Variants in NLRP14 observed in about 807,000 individuals in gnomAD.
NLRP14 encodes the protein NACHT, LRR and PYD domains-containing protein 14.
NLRP14 carries 105 observed loss-of-function variants against 94.7 expected under a neutral mutation model. The observed-to-expected ratio is 1.11, with a 90% CI of 0.95 to 1.30. The LOEUF is 1.30. NLRP14 is among the 50% of genes most tolerant of loss of function. The pLI, the probability that NLRP14 is intolerant of heterozygous loss-of-function variation, is 0.00. For missense variants in NLRP14, 1,362 were observed against 1,254.1 expected (o/e 1.09, Z -1.30); for synonymous variants, 508 against 459.9 (o/e 1.10, Z -1.34).
At chr11:7,073,778 G>A (rs6578822), downstream of NLRP14, among the ~76,000 whole-genome samples, 98,989 of 152,108 alleles carry the variant, frequency 0.65, 32,859 homozygotes, top group East Asian at 0.91. Flanking sequence ...GGTGAGGTTC[G>A]GAAGGTTCTA....
At chr11:7,089,751 G>A in the NLRP14 span, 1 of 1,562,378 alleles carries the variant, frequency 6.4e-7, no homozygotes, top group Non-Finnish European at 8.6e-7. Flanking sequence ...GGGCCCGCGG[G>A]ATGAGGGCTA....
chr11:7,055,659 G>A (rs756345293), intron 6 of NLRP14, among the ~76,000 whole-genome samples: 41 of 151,990 alleles, frequency 2.7e-4, no homozygotes, highest in Non-Finnish European at 5.0e-4. Flanking sequence ...AAGCTCCAGC[G>A]TCTTGCATCC....
chr11:7,026,309 G>GA (rs35799884), intron 1 of NLRP14, among the ~76,000 whole-genome samples: 1 of 151,994 alleles, frequency 6.6e-6, no homozygotes, highest in African/African-American at 2.4e-5. Flanking sequence ...AAATTTACAA[G>GA]AAAAAAACAA....
At chr11:7,050,998 G>T (rs1006399033) in intron 6 of NLRP14, among the ~76,000 whole-genome samples, 2 of 152,192 alleles carry the variant, frequency 1.3e-5, no homozygotes, top group African/African-American at 2.4e-5. Context: ...GGGAGCTGTG[G>T]ATCCAAGACA....
chr11:7,037,978 C>A (rs2119595946), intron 1 of NLRP14, among the ~76,000 whole-genome samples: 1 of 152,220 alleles, frequency 6.6e-6, no homozygotes, highest in South Asian at 2.1e-4. Flanking sequence ...AAAAGACCCT[C>A]AGTAATTATA....
At chr11:7,060,284 CCAGAGGCAT>C (rs1214181628) in intron 9 of NLRP14, among the ~76,000 whole-genome samples, 1 of 151,984 alleles carries the variant, frequency 6.6e-6, no homozygotes, top group East Asian at 1.9e-4. Flanking sequence ...GTAATGAGGA[CCAGAGGCAT>C]CAGGCTGAAC....
intron 10 of NLRP14, among the ~76,000 whole-genome samples, chr11:7,066,304 A>G (rs541713581): frequency 1.2e-4 from 18 of 152,338 alleles, no homozygotes; most frequent in African/African-American, 4.3e-4. Context: ...ACAATGGTTG[A>G]ACAAATTTAC....
Position 7,070,290 on chromosome 11 carries a change from G to T in NLRP14, c.2980G>T (p.Glu994Ter). The change falls in exon 11 of 12, where the codon GAA (glutamate) becomes TAA (stop). Residue 994 changes from glutamate (E) to a stop codon, truncating the protein, a stop_gained. Coordinates refer to ENST00000299481, the MANE Select transcript of NLRP14 (RefSeq NM_176822.4). LOFTEE classifies it high-confidence loss of function. ...PNCNIQRLGL[E>*]YCGLTSLCCQ... ...TTTTGTCTCTCTTCTCTACAGGTTG[G>T]AATACTGTGGTTTGACATCTCTCTG... The T allele has an allele frequency of 3.1e-6, 5 of 1,607,730 alleles. No homozygotes were observed. Among genetic ancestry groups the T allele is most frequent in the Non-Finnish European group, 4.3e-6 (5 of 1,174,768 alleles).
rs143105294 is a variant in NLRP14, at chr11:7,060,982, G to A, written c.2804+918G>A. ...GGCCAGCATGAATCAAAACAGAGGCGTCACTTAGCAACCTCAGCTCACTTT... is the reference window on the plus strand; with the variant it reads ...GGCCAGCATGAATCAAAACAGAGGCATCACTTAGCAACCTCAGCTCACTTT... On this transcript the variant is annotated intron_variant, in intron 9 of 11. Coordinates refer to ENST00000299481, the MANE Select transcript of NLRP14 (RefSeq NM_176822.4). Among the ~76,000 whole-genome samples, 878 of 152,102 alleles carry A rather than the reference G, an allele frequency of 5.8e-3. 5 individuals carry two copies. The highest frequency in any genetic ancestry group is 0.01 in the Non-Finnish European group (698 of 67,938).
At chr11:7,087,503 A>G in the NLRP14 span, among the ~76,000 whole-genome samples, 1 of 152,174 alleles carries the variant, frequency 6.6e-6, no homozygotes, top group African/African-American at 2.4e-5. Flanking sequence ...TTTGATTAGT[A>G]AGTGGCACAA....
Position 7,043,859 on chromosome 11 carries a change from G to C in NLRP14, c.1833G>C (p.Glu611Asp). ...CFPKVAINIC[E>D]KIHLLVSSFC... ...CAAAGGTTGCCATTAATATTTGTGA[G>C]AAAATACATTTGCTTGTATCTTCTT... Residue 611 changes from glutamate to aspartate, a missense_variant, in exon 4 of 12, where the codon GAG (glutamate) becomes GAC (aspartate). Transcript: ENST00000299481. The C allele has an allele frequency of 6.2e-7, 1 of 1,614,220 alleles. No homozygotes were observed. Among genetic ancestry groups the C allele is most frequent in the Non-Finnish European group, 8.5e-7 (1 of 1,180,030 alleles).
chr11:7,062,514 A>G lies in NLRP14; in HGVS notation c.2975+11A>G. On this transcript the variant is annotated intron_variant, in intron 10 of 11. Transcript: ENST00000299481. ...CATTCAGAGGCTCGGGTGAGTTCAT[A>G]GTTTTCCATTAGGAAAATGATGCCT... The G allele has an allele frequency of 6.2e-7, 1 of 1,611,048 alleles. No homozygotes were observed. The highest frequency in any genetic ancestry group is 1.1e-5 in the South Asian group (1 of 91,008).
chr11:7,032,368 G>T (rs915046152), intron 1 of NLRP14, among the ~76,000 whole-genome samples: 4 of 151,944 alleles, frequency 2.6e-5, no homozygotes, highest in African/African-American at 9.7e-5. Context: ...CATTATAATT[G>T]AATCCTTATT....
intron 3 of NLRP14, among the ~76,000 whole-genome samples, chr11:7,041,648 C>G (rs923971525): frequency 6.6e-6 from 1 of 152,154 alleles, no homozygotes; most frequent in Non-Finnish European, 1.5e-5. Flanking sequence ...GATGAAGCCC[C>G]TAGCCAAGTG....
At chr11:7,028,027 G>A (rs1852038646) in intron 1 of NLRP14, among the ~76,000 whole-genome samples, 1 of 152,044 alleles carries the variant, frequency 6.6e-6, no homozygotes, top group Admixed American at 6.6e-5. Context: ...TGATTCCTCA[G>A]GGATCAGTCT....
chr11:7,088,950 C>G, the NLRP14 span: 19 of 732,466 alleles, frequency 2.6e-5, no homozygotes, highest in Admixed American at 8.6e-5. Context: ...CGACCAATCA[C>G]AGGCAGCAGG....
At chr11:7,070,145 A>G in intron 10 of NLRP14, 141 bp from the exon 11 acceptor site, 1 of 666,914 alleles carries the variant, frequency 1.5e-6, no homozygotes. Context: ...ATAGGTACTT[A>G]TAGTCCTTGA....
rs775414982 is a variant in NLRP14 at position 7,042,381 on chromosome 11, G to C, written c.362-7G>C. 25 of 1,612,180 alleles carry C rather than the reference G, an allele frequency of 1.6e-5. No homozygotes were observed. The highest frequency in any genetic ancestry group is 2.0e-5 in the Non-Finnish European group (24 of 1,179,034). On this transcript the variant is annotated splice_polypyrimidine_tract_variant and splice_region_variant and intron_variant, in intron 3 of 11. Coordinates refer to ENST00000299481, the MANE Select transcript of NLRP14 (RefSeq NM_176822.4). ...TTTGTTTTTTTACCTTTGCCATTCT[G>C]ACTTAGGTGATGGAACAGAATACAG...
At chr11:7,057,936 T>G (rs1244875540) in intron 7 of NLRP14, 89 bp downstream of exon 7, 6 of 1,077,674 alleles carry the variant, frequency 5.6e-6, no homozygotes, top group African/African-American at 1.5e-5. Context: ...TTCTTGGGTC[T>G]TGGCACTAAC....
Sources: allele counts gnomAD v4.1 joint callset (sites outside exome capture counted in the v4.1 genomes callset), GRCh38; gene constraint gnomAD v4.1.1; transcripts MANE v1.5; gene names NCBI Gene and HGNC (gene_info 2026-07-23, HGNC 2026-07-21).